WDR7: variants seen among roughly 807,000 people sequenced by gnomAD.
The protein encoded by WDR7 is WD repeat-containing protein 7.
A neutral mutation model predicts 169.4 loss-of-function variants in WDR7; 46 were observed. The observed-to-expected ratio is 0.27, with a 90% confidence interval of 0.21 to 0.35. The LOEUF (loss-of-function observed/expected upper bound fraction) is 0.35, where lower values mean the gene tolerates loss of function less well. WDR7 is among the 10% of genes least tolerant of loss of function. The probability of loss-of-function intolerance (pLI) is 1.00; values close to 1 mark genes in which losing one functional copy is unlikely to be tolerated. For synonymous variants in WDR7, 612 were observed against 666.8 expected, an observed-to-expected ratio of 0.92 and a Z score of 1.27; for missense variants, 1,534 against 1,859.3, an observed-to-expected ratio of 0.83 and a Z score of 3.22.
intron 12 of WDR7, among the ~76,000 whole-genome samples, chr18:56,704,603 C>T (rs1210325559): frequency 6.6e-6 from 1 of 152,074 alleles, no homozygotes; most frequent in African/African-American, 2.4e-5. Context: ...ATTTTAATGG[C>T]AAAACTGCAA....
chr18:56,759,546 A>T (rs570778474), intron 16 of WDR7, among the ~76,000 whole-genome samples: 1 of 152,310 alleles, frequency 6.6e-6, no homozygotes, highest in South Asian at 2.1e-4. Context: ...ACTTAGATGT[A>T]TCTGCATATA....
At chr18:56,947,545 T>C (rs2047122846) in intron 25 of WDR7, among the ~76,000 whole-genome samples, 1 of 152,244 alleles carries the variant, frequency 6.6e-6, no homozygotes. Context: ...GAATTCCTTG[T>C]TAAAATTCCT....
At chr18:56,689,799 T>C (rs2025525725) in intron 7 of WDR7, among the ~76,000 whole-genome samples, 1 of 131,816 alleles carries the variant, frequency 7.6e-6, no homozygotes, top group African/African-American at 2.6e-5. Flanking sequence ...ACTATATTGT[T>C]CTAACTTTTA....
At chr18:56,873,811 A>C (rs1427879488) in intron 20 of WDR7, 1 of 152,254 alleles carries the variant, frequency 6.6e-6, no homozygotes, top group Non-Finnish European at 1.5e-5. Flanking sequence ...AGTTTGTGCC[A>C]ATTCATCTTG....
intron 26 of WDR7, among the ~76,000 whole-genome samples, chr18:56,996,846 C>A (rs933771924): frequency 6.6e-6 from 1 of 152,138 alleles, no homozygotes; most frequent in Non-Finnish European, 1.5e-5. Flanking sequence ...TAGCCTGTAA[C>A]TGTCATATAG....
At chr18:56,840,963 G>T (rs1292425893) in intron 20 of WDR7, among the ~76,000 whole-genome samples, 3 of 152,062 alleles carry the variant, frequency 2.0e-5, no homozygotes, top group Non-Finnish European at 4.4e-5. Flanking sequence ...GCCAAGACAG[G>T]GGGGATCACA....
chr18:56,725,094 A>G lies in WDR7; in HGVS notation c.1775-6289A>G, dbSNP rs573966925. ...TTGGTTCCAAGTCTTTGCTATTGTG[A>G]ATAGTGCTGCAATAAACATATGTGT... is the stretch of plus-strand genomic sequence containing the variant. On this transcript the variant is annotated intron_variant, in intron 13 of 27. Transcript: ENST00000254442. Among the ~76,000 whole-genome samples, 60 of 151,058 alleles carry G rather than the reference A, an allele frequency of 4.0e-4. 1 individual carries two copies. In the South Asian group the frequency reaches 9.9e-3, roughly 25 times the overall value.
chr18:57,031,005 G>C (rs1400708251), downstream of WDR7: 2 of 152,074 alleles, frequency 1.3e-5, no homozygotes, highest in Non-Finnish European at 2.9e-5. Context: ...CATTTTTGTA[G>C]CAGCAGAACG....
At chr18:56,880,367 A>G (rs923431496) in intron 21 of WDR7, among the ~76,000 whole-genome samples, 3 of 152,260 alleles carry the variant, frequency 2.0e-5, no homozygotes, top group Admixed American at 2.0e-4. Context: ...ATCGTCTTTT[A>G]AATGCTATTC....
intron 26 of WDR7, among the ~76,000 whole-genome samples, chr18:57,016,133 C>T (rs984576913): frequency 6.6e-6 from 1 of 152,138 alleles, no homozygotes; most frequent in African/African-American, 2.4e-5. Context: ...TCAAGCGCCC[C>T]TCAAATTGCA....
intron 19 of WDR7, among the ~76,000 whole-genome samples, chr18:56,798,486 C>T (rs2044620807): frequency 6.6e-6 from 1 of 152,122 alleles, no homozygotes; most frequent in South Asian, 2.1e-4. Flanking sequence ...ACAGCCCTTG[C>T]CACTGCCAAC....
intron 20 of WDR7, among the ~76,000 whole-genome samples, chr18:56,825,323 C>G (rs973010381): frequency 2.0e-5 from 3 of 152,106 alleles, no homozygotes; most frequent in African/African-American, 7.2e-5. Context: ...TAATTAACAC[C>G]ATCTTTGCAA....
At chr18:56,910,619 T>C (rs1199511085) in intron 21 of WDR7, among the ~76,000 whole-genome samples, 4 of 152,188 alleles carry the variant, frequency 2.6e-5, no homozygotes, top group African/African-American at 4.8e-5. Context: ...GTAAAATTAG[T>C]GAGAAGTTCC....
chr18:56,870,573 A>G (rs564682365), intron 20 of WDR7, among the ~76,000 whole-genome samples: 1 of 152,230 alleles, frequency 6.6e-6, no homozygotes, highest in Middle Eastern at 3.2e-3. Flanking sequence ...GAATTAACAT[A>G]TTTGATTACC....
At chr18:57,018,098 CTGTTA>C (rs2048232741) in intron 26 of WDR7, among the ~76,000 whole-genome samples, 1 of 152,170 alleles carries the variant, frequency 6.6e-6, no homozygotes, top group African/African-American at 2.4e-5. Flanking sequence ...AGCCTGCTTA[CTGTTA>C]TGTTCTCTAA....
intron 16 of WDR7, among the ~76,000 whole-genome samples, chr18:56,763,904 C>T (rs1230378887): frequency 6.6e-6 from 1 of 151,882 alleles, no homozygotes; most frequent in East Asian, 1.9e-4. Flanking sequence ...AAATTATATT[C>T]ACTCTTTCAT....
chr18:56,839,272 AAG>A (rs1424348326), intron 20 of WDR7, among the ~76,000 whole-genome samples: 3 of 152,300 alleles, frequency 2.0e-5, no homozygotes, highest in African/African-American at 7.2e-5. Context: ...CACAAAATTA[AAG>A]AGAATAATAT....
chr18:57,018,431 C>G (rs1171492007), intron 26 of WDR7, among the ~76,000 whole-genome samples: 1 of 152,196 alleles, frequency 6.6e-6, no homozygotes, highest in Non-Finnish European at 1.5e-5. Context: ...AGCTGGGCAG[C>G]CTGGTACACA....
At chr18:56,680,311 T>G (rs2025328437) in intron 3 of WDR7, among the ~76,000 whole-genome samples, 1 of 152,186 alleles carries the variant, frequency 6.6e-6, no homozygotes, top group South Asian at 2.1e-4. Context: ...TGAGCTGTGA[T>G]TGTGCCACTG....
Sources: allele counts gnomAD v4.1 joint callset (sites outside exome capture counted in the v4.1 genomes callset), GRCh38; gene constraint gnomAD v4.1.1; transcripts MANE v1.5; gene names NCBI Gene and HGNC (gene_info 2026-07-23, HGNC 2026-07-21).